TOGARAM1: variants seen among roughly 807,000 people sequenced by gnomAD.
TOGARAM1 encodes the protein TOG array regulator of axonemal microtubules protein 1.
A neutral mutation model predicts 166.6 loss-of-function variants in TOGARAM1; 100 were observed. That is an observed-to-expected ratio of 0.60 (90% confidence interval 0.51 to 0.71). TOGARAM1 has a LOEUF of 0.71. Ranked by LOEUF, TOGARAM1 falls within the 30% of genes least tolerant of loss-of-function variation. TOGARAM1 has a pLI of 0.00. For missense variants in TOGARAM1, 2,029 were observed against 2,102.7 expected (o/e 0.96, Z 0.69); for synonymous variants, 758 against 763.8 (o/e 0.99, Z 0.13).
At chr14:45,009,561 A>G (rs1215968186) in intron 6 of TOGARAM1, among the ~76,000 whole-genome samples, 1 of 152,152 alleles carries the variant, frequency 6.6e-6, no homozygotes, top group Admixed American at 6.6e-5. Context: ...TCACCCAGCC[A>G]TTATTTTCTT....
At position 45,043,709 on chromosome 14, in the gene TOGARAM1, A is replaced by G. The variant is rs1442926180; in HGVS notation, c.3836A>G (p.Asn1279Ser). The G allele has an allele frequency of 1.2e-6, 2 of 1,611,468 alleles. No individual in the cohort carries two copies. Among genetic ancestry groups the G allele is most frequent in the African/African-American group, 2.7e-5 (2 of 74,870 alleles). Residue 1279 changes from asparagine (N) to serine (S), a missense_variant, in exon 12 of 20, where the codon AAT (asparagine) becomes AGT (serine). By Grantham distance (46) the Asn-to-Ser change is conservative (BLOSUM62 1). Coordinates refer to ENST00000361462, the MANE Select transcript of TOGARAM1 (RefSeq NM_001308120.2). ...AGGGAGAAGAAAATTGAGGGACTGA[A>G]TTTTATTAGATGCTTAGCTGCTTTT... is the stretch of plus-strand genomic sequence containing the variant. ...EDWEKKIEGLNFIRCLAAFHS... is the reference protein window; with the variant it reads ...EDWEKKIEGLSFIRCLAAFHS...
At chr14:45,004,962 GCC>G (rs1887879510) in intron 4 of TOGARAM1, among the ~76,000 whole-genome samples, 1 of 150,332 alleles carries the variant, frequency 6.7e-6, no homozygotes, top group Non-Finnish European at 1.5e-5. Flanking sequence ...CGCTCTTGTT[GCC>G]CAGACTGGAG....
chr14:45,028,468 A>G (rs1880987760), intron 10 of TOGARAM1, 139 bp downstream of exon 10: 2 of 845,666 alleles, frequency 2.4e-6, no homozygotes, highest in African/African-American at 1.8e-5. Context: ...TCTGCCTTTA[A>G]TTAGCTTTGT....
chr14:45,011,170 G>GAAT (rs1296423267), intron 6 of TOGARAM1, among the ~76,000 whole-genome samples: 1 of 152,134 alleles, frequency 6.6e-6, no homozygotes, highest in African/African-American at 2.4e-5. Flanking sequence ...GTACAGGAAA[G>GAAT]AATAGTCTAA....
intron 2 of TOGARAM1, among the ~76,000 whole-genome samples, chr14:44,998,447 G>A (rs1056982719): frequency 1.3e-5 from 2 of 152,220 alleles, no homozygotes; most frequent in African/African-American, 2.4e-5. Flanking sequence ...GGGCGCTGTG[G>A]CTCACGCCTG....
chr14:45,026,897 A>G (rs1880880380), intron 8 of TOGARAM1, among the ~76,000 whole-genome samples: 2 of 151,798 alleles, frequency 1.3e-5, no homozygotes, highest in African/African-American at 4.8e-5. Flanking sequence ...AGTCCTAGCT[A>G]CGCAGGAGGC....
chr14:45,042,899 G>A (rs989224722), intron 11 of TOGARAM1, among the ~76,000 whole-genome samples: 34 of 152,262 alleles, frequency 2.2e-4, no homozygotes, highest in Middle Eastern at 3.4e-3. Context: ...ACTGCTCATT[G>A]ACAGTGTACC....
chr14:44,988,926 T>G (rs560146260), intron 1 of TOGARAM1, among the ~76,000 whole-genome samples: 2 of 152,292 alleles, frequency 1.3e-5, no homozygotes, highest in Admixed American at 1.3e-4. Context: ...AGTCAAGCCT[T>G]CAGTTGACAA....
chr14:44,978,729 C>A (rs1225749632), intron 1 of TOGARAM1, among the ~76,000 whole-genome samples: 2 of 150,592 alleles, frequency 1.3e-5, no homozygotes, highest in African/African-American at 4.9e-5. Flanking sequence ...CCTGGGAGGT[C>A]GAGGCTGTAA....
In TOGARAM1 at chr14:44,963,854, A is replaced by G. The variant is rs756270301; in HGVS notation, c.1433A>G (p.His478Arg). Residue 478 changes from histidine to arginine, a missense_variant, in exon 1 of 20, where the codon CAT becomes CGT. Physicochemically the swap from His to Arg is conservative, Grantham distance 29 (BLOSUM62 0). Around this residue, in one of 2 missense-constraint regions of TOGARAM1, gnomAD observed 1,453 missense variants for 1,432.2 expected, o/e 1.01. Coordinates refer to ENST00000361462, the MANE Select transcript of TOGARAM1 (RefSeq NM_001308120.2). ...CAGGTGCTTTGTTTACTCCTGGAAC[A>G]TCTCAAACATAAGCATTCCAGAGTG... ...PQQVLCLLLE[H>R]LKHKHSRVRE... is the part of the protein sequence containing the mutation. 4 of 1,614,228 alleles carry G rather than the reference A, an allele frequency of 2.5e-6. No homozygotes were observed. Among genetic ancestry groups the G allele is most frequent in the Non-Finnish European group, 3.4e-6 (4 of 1,180,020 alleles).
At chr14:44,985,689 A>T (rs112926448) in intron 1 of TOGARAM1, among the ~76,000 whole-genome samples, 2 of 152,170 alleles carry the variant, frequency 1.3e-5, no homozygotes, top group Non-Finnish European at 2.9e-5. Flanking sequence ...CCCGCCGCTC[A>T]CCTCCTGCTG....
chr14:45,017,105 G>T (rs1406613950), intron 7 of TOGARAM1, among the ~76,000 whole-genome samples: 3 of 152,140 alleles, frequency 2.0e-5, no homozygotes, highest in Non-Finnish European at 4.4e-5. Context: ...CCTACACAAG[G>T]TTAGTAAATT....
At chr14:45,059,054 T>A (rs542851648) in intron 16 of TOGARAM1, among the ~76,000 whole-genome samples, 1 of 152,332 alleles carries the variant, frequency 6.6e-6, no homozygotes, top group Non-Finnish European at 1.5e-5. Flanking sequence ...AAATTATTAC[T>A]ATGACCTCTT....
intron 7 of TOGARAM1, among the ~76,000 whole-genome samples, chr14:45,020,494 A>G (rs1394774938): frequency 6.6e-6 from 1 of 152,226 alleles, no homozygotes; most frequent in Admixed American, 6.5e-5. Context: ...TGCCCATGCC[A>G]GTACCTAATC....
chr14:45,020,699 C>A (rs1203364715), intron 7 of TOGARAM1, among the ~76,000 whole-genome samples: 2 of 152,158 alleles, frequency 1.3e-5, no homozygotes, highest in African/African-American at 2.4e-5. Context: ...AAAAAATATT[C>A]CTGAGGGTAG....
chr14:45,028,621 C>T (rs530532185), intron 10 of TOGARAM1, among the ~76,000 whole-genome samples: 1 of 152,216 alleles, frequency 6.6e-6, no homozygotes, highest in East Asian at 1.9e-4. Flanking sequence ...TAGTAGATAA[C>T]TGAGATGGTG....
intron 1 of TOGARAM1, among the ~76,000 whole-genome samples, chr14:44,971,259 A>T (rs186519782): frequency 6.6e-6 from 1 of 152,136 alleles, no homozygotes; most frequent in Non-Finnish European, 1.5e-5. Flanking sequence ...CAGATTATCC[A>T]TATCTTCTTG....
intron 14 of TOGARAM1, among the ~76,000 whole-genome samples, chr14:45,048,276 A>G (rs1253570800): frequency 2.1e-5 from 3 of 145,198 alleles, no homozygotes; most frequent in African/African-American, 7.8e-5. Flanking sequence ...CTCTTCAGCC[A>G]CTGCACTCCA....
chr14:44,994,948 A>G (rs1410019489), intron 1 of TOGARAM1, among the ~76,000 whole-genome samples: 1 of 152,200 alleles, frequency 6.6e-6, no homozygotes, highest in Non-Finnish European at 1.5e-5. Context: ...GCTCCAAATA[A>G]ATATATAGGA....
Sources: allele counts gnomAD v4.1 joint callset (sites outside exome capture counted in the v4.1 genomes callset), GRCh38; gene constraint gnomAD v4.1.1; regional missense constraint gnomAD v4.1.1; transcripts MANE v1.5; gene names NCBI Gene and HGNC (gene_info 2026-07-23, HGNC 2026-07-21).